The following PAM variants were observed in gnomAD, a reference collection of about 807,000 sequenced individuals.
PAM encodes the protein peptidyl-glycine alpha-amidating monooxygenase.
A neutral mutation model predicts 122.1 loss-of-function variants in PAM; 72 were observed. That is an observed-to-expected ratio of 0.59 (90% CI 0.49 to 0.72). PAM has a LOEUF of 0.72. PAM is among the 30% of genes least tolerant of loss of function. PAM has a pLI of 0.00. For synonymous variants in PAM, 389 were observed against 404.4 expected (o/e 0.96, Z 0.46); for missense variants, 1,106 against 1,183.7 (o/e 0.93, Z 0.96).
At chr5:102,929,026 G>T (rs1750545908) in intron 7 of PAM, among the ~76,000 whole-genome samples, 1 of 152,024 alleles carries the variant, frequency 6.6e-6, no homozygotes, top group South Asian at 2.1e-4. Flanking sequence ...TGCTTACCAG[G>T]ATTGTCAAGC....
At chr5:102,959,072 A>C (rs1299372021) in intron 12 of PAM, among the ~76,000 whole-genome samples, 1 of 152,192 alleles carries the variant, frequency 6.6e-6, no homozygotes, top group Non-Finnish European at 1.5e-5. Flanking sequence ...AGCAGAATAC[A>C]TATTTTGTAA....
At chr5:102,836,103 T>TTAA (rs1385265482) in intron 1 of PAM, among the ~76,000 whole-genome samples, 1 of 152,210 alleles carries the variant, frequency 6.6e-6, no homozygotes, top group Non-Finnish European at 1.5e-5. Flanking sequence ...GTAGAGATGT[T>TTAA]TGTGAAAAAA....
At chr5:102,846,376 G>C (rs1364357815) in intron 1 of PAM, among the ~76,000 whole-genome samples, 1 of 152,182 alleles carries the variant, frequency 6.6e-6, no homozygotes, top group Non-Finnish European at 1.5e-5. Flanking sequence ...CCATCCCTCT[G>C]TGTGTTCTGG....
In PAM at chr5:102,872,407, A is replaced by G. The variant is rs538643608; in HGVS notation, c.210+5014A>G. ...AAACCAGAATGAACAAAATACTCCT[A>G]CAAAATGTTCTCAAAATCTTCCCAC... On this transcript the variant is annotated intron_variant, in intron 3 of 25. Coordinates refer to ENST00000438793, the MANE Select transcript of PAM (RefSeq NM_001177306.2). 7.2e-5 allele frequency among the ~76,000 whole-genome samples: 11 copies of G among 152,344 alleles called. No individual in the cohort carries two copies. In the South Asian group the frequency reaches 2.1e-3, roughly 29 times the overall value.
chr5:102,873,853 C>T (rs958533409), intron 3 of PAM: 2 of 152,046 alleles, frequency 1.3e-5, no homozygotes, highest in African/African-American at 4.8e-5. Context: ...TTTAGTGTTT[C>T]GTTTTCTTCT....
chr5:102,872,600 C>A (rs916131061), intron 3 of PAM, among the ~76,000 whole-genome samples: 1 of 152,176 alleles, frequency 6.6e-6, no homozygotes, highest in Admixed American at 6.5e-5. Context: ...TTCTGCACTC[C>A]TGTAAGGAAT....
intron 22 of PAM, among the ~76,000 whole-genome samples, chr5:103,019,206 ATAT>A (rs1782884060): frequency 6.6e-6 from 1 of 152,184 alleles, no homozygotes; most frequent in African/African-American, 2.4e-5. Flanking sequence ...AAGAGGAATA[ATAT>A]TATGTGTATT....
intron 1 of PAM, among the ~76,000 whole-genome samples, chr5:102,803,022 C>T (rs1301994374): frequency 2.6e-5 from 4 of 151,862 alleles, no homozygotes; most frequent in East Asian, 1.9e-4. Context: ...ACTCGAGAGT[C>T]TAAAGTGGGA....
intron 1 of PAM, among the ~76,000 whole-genome samples, chr5:102,768,590 GT>G (rs1233129521): frequency 6.6e-6 from 1 of 152,072 alleles, no homozygotes; most frequent in Non-Finnish European, 1.5e-5. Flanking sequence ...AACATGCAAA[GT>G]TTGTCTTTCT....
At chr5:102,871,286 A>T (rs73192740) in intron 3 of PAM, among the ~76,000 whole-genome samples, 13,635 of 152,128 alleles carry the variant, frequency 0.09, 1,513 homozygotes, top group African/African-American at 0.25. Flanking sequence ...CATGATAAGA[A>T]CTCAGAAAAT....
intron 3 of PAM, among the ~76,000 whole-genome samples, chr5:102,881,310 G>T (rs1790986050): frequency 6.6e-6 from 1 of 151,862 alleles, no homozygotes. Flanking sequence ...GAATATTAAT[G>T]TAACAGAATG....
intron 1 of PAM, among the ~76,000 whole-genome samples, chr5:102,778,716 A>G (rs143355149): frequency 6.6e-6 from 1 of 152,300 alleles, no homozygotes; most frequent in Non-Finnish European, 1.5e-5. Flanking sequence ...CTTCATTTTT[A>G]CATGGAAGAT....
intron 8 of PAM, 136 bp from the exon 9 acceptor site, chr5:102,948,242 T>A (rs1757646994): frequency 1.9e-6 from 1 of 531,538 alleles, no homozygotes. Flanking sequence ...GGAAGAAAAA[T>A]TTTTCCTCTT....
At chr5:102,943,218 A>C (rs572936190) in intron 7 of PAM, among the ~76,000 whole-genome samples, 1 of 152,204 alleles carries the variant, frequency 6.6e-6, no homozygotes, top group Non-Finnish European at 1.5e-5. Context: ...CACTATCTCT[A>C]GAGGAAAAAT....
intron 1 of PAM, among the ~76,000 whole-genome samples, chr5:102,816,330 T>C (rs1769780768): frequency 6.6e-6 from 1 of 152,166 alleles, no homozygotes; most frequent in Non-Finnish European, 1.5e-5. Flanking sequence ...AGGCATTCTC[T>C]GCCTCAAGGA....
intron 1 of PAM, among the ~76,000 whole-genome samples, chr5:102,844,339 G>C (rs1290158631): frequency 2.0e-5 from 3 of 152,114 alleles, no homozygotes; most frequent in African/African-American, 7.2e-5. Flanking sequence ...TGAATGAAGG[G>C]CATGTGGGAT....
At chr5:102,802,428 CTT>C (rs1332592095) in intron 1 of PAM, among the ~76,000 whole-genome samples, 1 of 152,040 alleles carries the variant, frequency 6.6e-6, no homozygotes, top group Non-Finnish European at 1.5e-5. Context: ...AAGGATAAAA[CTT>C]TGCATAGCTT....
chr5:102,853,946 C>A (rs1168554083), intron 1 of PAM, among the ~76,000 whole-genome samples: 8 of 152,290 alleles, frequency 5.3e-5, no homozygotes, highest in Non-Finnish European at 1.0e-4. Flanking sequence ...ATTACTGATT[C>A]AGTAATGATT....
At chr5:103,006,542 A>C (rs975576836) in intron 18 of PAM, among the ~76,000 whole-genome samples, 2 of 152,206 alleles carry the variant, frequency 1.3e-5, no homozygotes. Flanking sequence ...GTATCCATGT[A>C]CTAGTCTCCA....
Sources: gnomAD v4.1 joint callset for allele counts (sites outside exome capture counted in the v4.1 genomes callset) on GRCh38, gnomAD v4.1.1 for gene constraint, MANE v1.5 for transcripts, NCBI Gene and HGNC (gene_info 2026-07-23, HGNC 2026-07-21) for gene names.